Variants in KCNK3 observed in about 807,000 individuals in gnomAD.
The protein encoded by KCNK3 is potassium two pore domain channel subfamily K member 3.
In KCNK3, 9 loss-of-function variants were observed where a neutral mutation model predicts 27.3. That is an observed-to-expected ratio of 0.33 (90% CI 0.20 to 0.57). KCNK3 has a LOEUF of 0.57. Among genes scored for constraint, KCNK3 ranks in the 20% least tolerant of loss-of-function variants. The pLI is 0.87. For synonymous variants in KCNK3, 278 were observed against 273.8 expected (o/e 1.02, Z -0.15); for missense variants, 391 against 577.7 (o/e 0.68, Z 3.31).
chr2:26,727,527 G>A, intron 1 of KCNK3, 140 bp from the exon 2 acceptor site: 4 of 1,093,630 alleles, frequency 3.7e-6, no homozygotes, highest in Non-Finnish European at 5.2e-6. Flanking sequence ...CACAGTGCGT[G>A]GGGATAAGGA....
At chr2:26,723,989 C>T (rs1393218796) in intron 1 of KCNK3, among the ~76,000 whole-genome samples, 1 of 152,234 alleles carries the variant, frequency 6.6e-6, no homozygotes, top group Admixed American at 6.5e-5. Context: ...AGATAGAGAA[C>T]ACCTTTTGCC....
chr2:26,699,251 A>AAGAAAGAAAGCC (rs201319916), intron 1 of KCNK3, among the ~76,000 whole-genome samples: 48 of 134,348 alleles, frequency 3.6e-4, no homozygotes, highest in African/African-American at 1.5e-3. Flanking sequence ...GAAAGAAAGA[A>AAGAAAGAAAGCC]AGCCAGCCAA....
intron 1 of KCNK3, among the ~76,000 whole-genome samples, chr2:26,719,481 C>G (rs1260483189): frequency 6.6e-6 from 1 of 152,216 alleles, no homozygotes; most frequent in Non-Finnish European, 1.5e-5. Flanking sequence ...ATGAAGCCCT[C>G]CCTGATAACC....
At chr2:26,726,306 G>A (rs947799519) in intron 1 of KCNK3, among the ~76,000 whole-genome samples, 1 of 152,134 alleles carries the variant, frequency 6.6e-6, no homozygotes, top group Non-Finnish European at 1.5e-5. Context: ...CTAGTGTTTA[G>A]CTCTATGTAG....
intron 1 of KCNK3, among the ~76,000 whole-genome samples, chr2:26,711,535 G>C (rs780351189): frequency 1.6e-4 from 25 of 152,158 alleles, no homozygotes; most frequent in Non-Finnish European, 2.6e-4. Flanking sequence ...CTGGAGTGAA[G>C]GGAGGCAGTA....
chr2:26,694,601 G>A (rs889946279), intron 1 of KCNK3, among the ~76,000 whole-genome samples: 6 of 152,068 alleles, frequency 3.9e-5, no homozygotes, highest in East Asian at 3.9e-4. Context: ...AGTGGATGTG[G>A]CCCAGCTGGG....
At chr2:26,718,510 A>G (rs918582497) in intron 1 of KCNK3, among the ~76,000 whole-genome samples, 1 of 152,250 alleles carries the variant, frequency 6.6e-6, no homozygotes, top group African/African-American at 2.4e-5. Flanking sequence ...GGAAAATTAA[A>G]ATTAATCACG....
intron 1 of KCNK3, among the ~76,000 whole-genome samples, chr2:26,719,583 T>G (rs1276744548): frequency 6.6e-6 from 1 of 152,214 alleles, no homozygotes; most frequent in African/African-American, 2.4e-5. Context: ...TTTTAATAAT[T>G]TGTGTAATAA....
chr2:26,712,252 C>T (rs1663132275), intron 1 of KCNK3, among the ~76,000 whole-genome samples: 1 of 152,204 alleles, frequency 6.6e-6, no homozygotes, highest in Non-Finnish European at 1.5e-5. Context: ...GTGTAAAGGG[C>T]AGTGTCCCCG....
intron 1 of KCNK3, among the ~76,000 whole-genome samples, chr2:26,722,995 C>A (rs1420507898): frequency 2.0e-5 from 3 of 152,192 alleles, no homozygotes; most frequent in Non-Finnish European, 4.4e-5. Context: ...CAGGTCAGAC[C>A]CCAGATCTCC....
chr2:26,698,731 C>G (rs185427169), intron 1 of KCNK3, among the ~76,000 whole-genome samples: 2 of 152,154 alleles, frequency 1.3e-5, no homozygotes, highest in African/African-American at 2.4e-5. Context: ...CCCCACCCCC[C>G]ATCTCCCCGC....
At chr2:26,711,407 TTC>T (rs1222974093) in intron 1 of KCNK3, among the ~76,000 whole-genome samples, 2 of 152,172 alleles carry the variant, frequency 1.3e-5, no homozygotes, top group African/African-American at 4.8e-5. Context: ...AGGCACATCT[TTC>T]TCCCTAGAGG....
At chr2:26,710,121 G>A (rs375251141) in intron 1 of KCNK3, among the ~76,000 whole-genome samples, 2 of 152,290 alleles carry the variant, frequency 1.3e-5, no homozygotes, top group East Asian at 1.9e-4. Flanking sequence ...AGATGTTCCC[G>A]CACCCTCTGC....
chr2:26,696,630 G>A (rs79479010), intron 1 of KCNK3, among the ~76,000 whole-genome samples: 11,382 of 152,150 alleles, frequency 0.075, 1,473 homozygotes, highest in African/African-American at 0.26. Flanking sequence ...TTCCTTTGCT[G>A]GTGCCCTAAG....
rs1273853572 is a variant in KCNK3, at chr2:26,692,736, C to T, written c.-140C>T. ...GCGGCGGCGGCGGCGGCGGCGGCCC[C>T]GGGCGCTGAGCGGGTGCCCGGCGCG... On this transcript the variant is annotated 5_prime_UTR_variant, in exon 1 of 2. Coordinates refer to ENST00000302909, the MANE Select transcript of KCNK3 (RefSeq NM_002246.3). This position sits in a 1 kb window ranked among gnomAD's most constrained non-coding sequence, Gnocchi z 5.6. 9.4e-6 allele frequency: 3 copies of T among 319,330 alleles called. No individual in the cohort carries two copies. Among genetic ancestry groups the T allele is most frequent in the Non-Finnish European group, 1.3e-5 (3 of 223,058 alleles). The allele number at this position is 319,330 out of a possible 1,614,324, so 19.8% of individuals were successfully genotyped here.
At chr2:26,698,184 G>A (rs1277082297) in intron 1 of KCNK3, among the ~76,000 whole-genome samples, 7 of 152,070 alleles carry the variant, frequency 4.6e-5, no homozygotes, top group African/African-American at 7.2e-5. Flanking sequence ...GGCCTCTTTC[G>A]ACTTTCCAAG....
chr2:26,700,714 TTCATCATCATCATCACCA>T lies in KCNK3; in HGVS notation c.283+7606_283+7623del, dbSNP rs1314809754. Reference sequence around the variant, plus strand: ...CTGTTGCTGCTTCTGCTTCTCCCTCTTCATCATCATCATCACCATCATCATCATCATCACCATCATCAT... The same window carrying T: ...CTGTTGCTGCTTCTGCTTCTCCCTCTTCATCATCATCATCACCATCATCAT... On this transcript the variant is annotated intron_variant, in intron 1 of 1. Coordinates refer to ENST00000302909, the MANE Select transcript of KCNK3 (RefSeq NM_002246.3). 2.2e-4 allele frequency among the ~76,000 whole-genome samples: 31 copies of T among 138,098 alleles called. 1 individual carries two copies. In the South Asian group the frequency reaches 3.4e-3, roughly 15 times the overall value. The allele number at this position is 138,098 out of a possible 152,430, so 90.6% of individuals were successfully genotyped here. A position where few individuals can be genotyped will look rare whatever the true frequency, so the allele number is the denominator to read the frequency against.
At chr2:26,725,466 C>A (rs1047566310) in intron 1 of KCNK3, among the ~76,000 whole-genome samples, 1 of 152,214 alleles carries the variant, frequency 6.6e-6, no homozygotes. Context: ...ATGCTCCCTA[C>A]TTCCTGTTGA....
Position 26,728,229 on chromosome 2 carries a change from G to C in KCNK3, c.846G>C (p.Thr282=). 6.4e-7 allele frequency: 1 copy of C among 1,569,648 alleles called. No individual in the cohort carries two copies. The highest frequency in any genetic ancestry group is 8.6e-7 in the Non-Finnish European group (1 of 1,157,546). Residue 282 remains threonine (T), a synonymous_variant, in exon 2 of 2, where the codon ACG becomes ACC. Transcript: ENST00000302909. ...GAGGGGGTGGCAGCGCGCACACTAC[G>C]GACACCGCCTCATCCACGGCGGCAG... ...GGGGGGSAHT[T]DTASSTAAAG...
Sources: gnomAD v4.1 joint callset for allele counts (sites outside exome capture counted in the v4.1 genomes callset) on GRCh38, gnomAD v4.1.1 for gene constraint, Gnocchi (gnomAD v3.1) non-coding constraint, MANE v1.5 for transcripts, NCBI Gene and HGNC (gene_info 2026-07-23, HGNC 2026-07-21) for gene names.